The following LRRC4C variants were observed in gnomAD, a reference collection of about 807,000 sequenced individuals.
LRRC4C encodes leucine rich repeat containing 4C.
Under a neutral mutation model 33.6 loss-of-function variants are expected in LRRC4C, and 5 were observed. The ratio of observed to expected loss-of-function variants is 0.15; its 90% confidence interval spans 0.08 to 0.31. The LOEUF is 0.31. Ranked by LOEUF, LRRC4C falls within the 10% of genes least tolerant of loss-of-function variation. LRRC4C has a pLI of 1.00. For synonymous variants in LRRC4C, 329 were observed against 302.0 expected (o/e 1.09, Z -0.93); for missense variants, 560 against 796.7 (o/e 0.70, Z 3.58).
At chr11:41,023,166 G>T (rs1172244571) in intron 1 of LRRC4C, among the ~76,000 whole-genome samples, 1 of 151,634 alleles carries the variant, frequency 6.6e-6, no homozygotes, top group East Asian at 1.9e-4. Flanking sequence ...GTCTTTTACT[G>T]GTTCTACAAA....
chr11:41,028,750 T>G (rs1856540309), intron 1 of LRRC4C, among the ~76,000 whole-genome samples: 1 of 151,676 alleles, frequency 6.6e-6, no homozygotes, highest in Non-Finnish European at 1.5e-5. Context: ...TTTATTCATG[T>G]GTTTGTTCCC....
intron 1 of LRRC4C, among the ~76,000 whole-genome samples, chr11:41,325,885 G>T (rs1951102926): frequency 6.6e-6 from 1 of 152,204 alleles, no homozygotes. Context: ...GGAGGAAGAG[G>T]AGCAGAAAAG....
At chr11:41,458,482 A>G (rs1215278919) in intron 1 of LRRC4C, among the ~76,000 whole-genome samples, 1 of 147,822 alleles carries the variant, frequency 6.8e-6, no homozygotes, top group African/African-American at 2.5e-5. Context: ...CTTTAATTAA[A>G]TAACTTTGGG....
At chr11:41,457,892 G>C (rs999448500) in intron 1 of LRRC4C, among the ~76,000 whole-genome samples, 1 of 152,072 alleles carries the variant, frequency 6.6e-6, no homozygotes, top group Admixed American at 6.6e-5. Flanking sequence ...ATATTAGATA[G>C]ATGAAAGGCT....
intron 1 of LRRC4C, among the ~76,000 whole-genome samples, chr11:41,047,523 CTT>C (rs1857858555): frequency 6.6e-6 from 1 of 152,018 alleles, no homozygotes; most frequent in Non-Finnish European, 1.5e-5. Context: ...AACTAACAAA[CTT>C]TACATATAAA....
At chr11:40,794,494 C>T (rs1330453131) in intron 2 of LRRC4C, among the ~76,000 whole-genome samples, 1 of 151,498 alleles carries the variant, frequency 6.6e-6, no homozygotes, top group Non-Finnish European at 1.5e-5. Context: ...GATTCTCCAT[C>T]ACAGGACTCA....
At chr11:41,070,619 A>C (rs1485368936) in intron 1 of LRRC4C, among the ~76,000 whole-genome samples, 7 of 152,204 alleles carry the variant, frequency 4.6e-5, no homozygotes, top group African/African-American at 1.4e-4. Context: ...TATGAACAAA[A>C]ACTTCTCAAA....
At chr11:40,846,341 A>C (rs1316648095) in intron 2 of LRRC4C, among the ~76,000 whole-genome samples, 1 of 151,914 alleles carries the variant, frequency 6.6e-6, no homozygotes, top group Non-Finnish European at 1.5e-5. Flanking sequence ...AATCCATCTT[A>C]AGTTAATGTT....
chr11:41,388,513 C>T (rs369019261), intron 1 of LRRC4C, among the ~76,000 whole-genome samples: 39 of 151,898 alleles, frequency 2.6e-4, no homozygotes, highest in Admixed American at 1.6e-3. Flanking sequence ...GAATACTCCA[C>T]GAAAACAGAA....
At chr11:40,831,288 T>C (rs1952401170) in intron 2 of LRRC4C, among the ~76,000 whole-genome samples, 1 of 152,128 alleles carries the variant, frequency 6.6e-6, no homozygotes, top group Non-Finnish European at 1.5e-5. Context: ...ACTCACAGCC[T>C]TCTGGTAGGA....
intron 2 of LRRC4C, among the ~76,000 whole-genome samples, chr11:40,787,759 C>T (rs2137342652): frequency 6.6e-6 from 1 of 152,258 alleles, no homozygotes; most frequent in Non-Finnish European, 1.5e-5. Context: ...AACCCGGCAA[C>T]AGGGATTGGA....
At chr11:40,380,122 C>A (rs371314426) in intron 3 of LRRC4C, among the ~76,000 whole-genome samples, 1 of 152,110 alleles carries the variant, frequency 6.6e-6, no homozygotes, top group Non-Finnish European at 1.5e-5. Context: ...GAAAAATAAC[C>A]CTTTTTTGTG....
chr11:41,253,860 T>A (rs996529425), intron 1 of LRRC4C, among the ~76,000 whole-genome samples: 1 of 152,066 alleles, frequency 6.6e-6, no homozygotes, highest in Non-Finnish European at 1.5e-5. Context: ...AGAATAAGGA[T>A]CCACCATCCT....
At chr11:41,150,573 C>T (rs535007284) in intron 1 of LRRC4C, among the ~76,000 whole-genome samples, 5 of 152,024 alleles carry the variant, frequency 3.3e-5, no homozygotes, top group Non-Finnish European at 7.4e-5. Flanking sequence ...GGGCGGATCA[C>T]GAGGTAAGGA....
chr11:40,525,462 G>T (rs1290537283), intron 3 of LRRC4C, among the ~76,000 whole-genome samples: 1 of 151,854 alleles, frequency 6.6e-6, no homozygotes, highest in Non-Finnish European at 1.5e-5. Flanking sequence ...AAAAGAAATG[G>T]CAGGGGGTGG....
intron 1 of LRRC4C, among the ~76,000 whole-genome samples, chr11:41,094,498 T>C (rs1940676168): frequency 6.6e-6 from 1 of 152,098 alleles, no homozygotes; most frequent in Admixed American, 6.6e-5. Flanking sequence ...CACTCCAGCC[T>C]GGACAACACA....
intron 1 of LRRC4C, among the ~76,000 whole-genome samples, chr11:41,057,816 G>C (rs1368035052): frequency 1.3e-5 from 2 of 152,174 alleles, no homozygotes; most frequent in African/African-American, 2.4e-5. Flanking sequence ...GCAGAAAGGA[G>C]CTACCGTCTC....
Position 40,329,136 on chromosome 11 carries a change from C to T in LRRC4C, c.-269-9415G>A, listed in dbSNP as rs1264171924. Among the ~76,000 whole-genome samples the T allele has an allele frequency of 2.6e-5, 4 of 152,142 alleles. No homozygotes were observed. In the East Asian group the frequency reaches 7.7e-4, roughly 29 times the overall value. ...CTTTATAAGTGGGGCTGATTCTGTG[C>T]TCCATACACTCTCATTATGTATTCT... On this transcript the variant is annotated intron_variant, in intron 3 of 6. Coordinates refer to ENST00000528697, the MANE Select transcript of LRRC4C (RefSeq NM_001258419.2).
At chr11:41,317,261 T>TTA (rs1555145314) in intron 1 of LRRC4C, among the ~76,000 whole-genome samples, 1 of 151,632 alleles carries the variant, frequency 6.6e-6, no homozygotes, top group Non-Finnish European at 1.5e-5. Flanking sequence ...TTTTTTTTTT[T>TTA]AACCTTAAAA....
Sources: allele counts gnomAD v4.1 joint callset (sites outside exome capture counted in the v4.1 genomes callset), GRCh38; gene constraint gnomAD v4.1.1; transcripts MANE v1.5; gene names NCBI Gene and HGNC (gene_info 2026-07-23, HGNC 2026-07-21).